SMAD7: variants seen among roughly 807,000 people sequenced by gnomAD.
The protein encoded by SMAD7 is SMAD family member 7.
A neutral mutation model predicts 38.7 loss-of-function variants in SMAD7; 8 were observed. The ratio of observed to expected loss-of-function variants is 0.21; its 90% CI spans 0.12 to 0.37. The LOEUF (loss-of-function observed/expected upper bound fraction) is 0.37, where lower values mean the gene tolerates loss of function less well. SMAD7 is among the 10% of genes least tolerant of loss of function. The pLI is 1.00. For synonymous variants in SMAD7, 327 were observed against 265.1 expected (o/e 1.23, Z -2.27); for missense variants, 477 against 577.9 (o/e 0.83, Z 1.79).
chr18:48,944,026 A>C (rs2070170620), intron 2 of SMAD7, among the ~76,000 whole-genome samples: 1 of 152,164 alleles, frequency 6.6e-6, no homozygotes, highest in African/African-American at 2.4e-5. Context: ...TCATTTTATC[A>C]GGGTAAAGTC....
intron 2 of SMAD7, among the ~76,000 whole-genome samples, chr18:48,945,761 G>A (rs2070188235): frequency 6.6e-6 from 1 of 152,072 alleles, no homozygotes; most frequent in South Asian, 2.1e-4. Flanking sequence ...ACCCCCCAAG[G>A]CCAGCCATTC....
At chr18:48,942,856 G>T in intron 2 of SMAD7, 1 of 1,104,962 alleles carries the variant, frequency 9.1e-7, no homozygotes. Context: ...GATACCAGGT[G>T]GTTCCCAAGG....
rs2143747710 is a variant in SMAD7 at position 48,921,041 on chromosome 18, T to G, written c.*331A>C. The G allele has an allele frequency of 2.9e-6, 1 of 342,432 alleles. No homozygotes were observed. Among genetic ancestry groups the G allele is most frequent in the South Asian group, 3.4e-5 (1 of 29,218 alleles). 21.2% of individuals were successfully genotyped at this position (342,432 alleles called of 1,614,324 possible). ...GCACACTCACACTCACACACACTCCTGACAAGTGAAATGATGACCGCCCCC... is the reference window on the plus strand; with the variant it reads ...GCACACTCACACTCACACACACTCCGGACAAGTGAAATGATGACCGCCCCC... On this transcript the variant is annotated 3_prime_UTR_variant, in exon 4 of 4. Transcript: ENST00000262158. The surrounding 1 kb of genome is among the most constrained non-coding windows in gnomAD (Gnocchi z 6.4).
At position 48,950,031 on chromosome 18, in the gene SMAD7, G is replaced by A. The variant is rs373908933; in HGVS notation, c.394C>T (p.Leu132=). 2 of 1,459,432 alleles carry A rather than the reference G, an allele frequency of 1.4e-6. No homozygotes were observed. Among genetic ancestry groups the A allele is most frequent in the Non-Finnish European group, 1.8e-6 (2 of 1,109,198 alleles). 90.4% of individuals were successfully genotyped at this position (1,459,432 alleles called of 1,614,324 possible). ...GCCCCCGGGCCCAGCCTGCAGTCCA[G>A]GCGGCCGGGCAGCAGGAGGCACGCG... ...RTACLLLPGR[L]DCRLGPGAPA... Residue 132 remains leucine (L), a synonymous_variant, in exon 1 of 4, where the codon CTG becomes TTG. Coordinates refer to ENST00000262158, the MANE Select transcript of SMAD7 (RefSeq NM_005904.4).
chr18:48,929,754 G>A (rs1196683454), intron 3 of SMAD7, among the ~76,000 whole-genome samples: 1 of 151,948 alleles, frequency 6.6e-6, no homozygotes, highest in Non-Finnish European at 1.5e-5. Flanking sequence ...CTTTTGCTGT[G>A]GGCCTCGTTT....
chr18:48,921,138 T>A lies in SMAD7; in HGVS notation c.*234A>T. The A allele has an allele frequency of 1.9e-6, 1 of 540,060 alleles. No individual in the cohort carries two copies. Among genetic ancestry groups the A allele is most frequent in the Non-Finnish European group, 3.3e-6 (1 of 302,744 alleles). The allele number at this position is 540,060 out of a possible 1,614,324, so 33.5% of individuals were successfully genotyped here. A position where few individuals can be genotyped will look rare whatever the true frequency, so the allele number is the denominator to read the frequency against. On this transcript the variant is annotated 3_prime_UTR_variant, in exon 4 of 4. Transcript: ENST00000262158. This position sits in a 1 kb window ranked among gnomAD's most constrained non-coding sequence, Gnocchi z 6.4. Reference sequence around the variant, plus strand: ...TCCTATCAGGGTGTCCTGCCGATCATACCTGCCCCTTCTTCCAAAAAAACC... The same window carrying A: ...TCCTATCAGGGTGTCCTGCCGATCAAACCTGCCCCTTCTTCCAAAAAAACC...
At chr18:48,944,899 G>A (rs1353445246) in intron 2 of SMAD7, among the ~76,000 whole-genome samples, 2 of 152,180 alleles carry the variant, frequency 1.3e-5, no homozygotes, top group Admixed American at 6.5e-5. Flanking sequence ...TAGGTTCTGC[G>A]AGAGAAAAAG....
At chr18:48,938,716 C>T (rs2070099883) in intron 3 of SMAD7, among the ~76,000 whole-genome samples, 1 of 152,210 alleles carries the variant, frequency 6.6e-6, no homozygotes, top group Admixed American at 6.5e-5. Context: ...CAGATGGAGG[C>T]TGCAAAGATG....
chr18:48,949,684 GCACACTCTCCCAGGAGGGTA>G, intron 1 of SMAD7, 108 bp downstream of exon 1: 1 of 1,019,612 alleles, frequency 9.8e-7, no homozygotes, highest in Non-Finnish European at 1.4e-6. Context: ...AGGAGGGTAT[GCACACTCTCCCAGGAGGGTA>G]TGCACACTCC....
chr18:48,926,608 C>T (rs1452412794), intron 3 of SMAD7, among the ~76,000 whole-genome samples: 1 of 152,250 alleles, frequency 6.6e-6, no homozygotes, highest in East Asian at 1.9e-4. Flanking sequence ...CCGCCTCCTG[C>T]AGGCTCCCTG....
chr18:48,949,794 A>G lies in SMAD7; in HGVS notation c.613+18T>C. ...TGGCGCTCCGGAAAATGTTGGGGGT[A>G]GGGGGACAACTTCTCACCTAGTTCG... On this transcript the variant is annotated intron_variant, in intron 1 of 3. Coordinates refer to ENST00000262158, the MANE Select transcript of SMAD7 (RefSeq NM_005904.4). 6.3e-7 allele frequency: 1 copy of G among 1,581,682 alleles called. No individual in the cohort carries two copies. Among genetic ancestry groups the G allele is most frequent in the Non-Finnish European group, 8.6e-7 (1 of 1,163,002 alleles).
chr18:48,949,282 G>A, intron 1 of SMAD7: 10 of 985,138 alleles, frequency 1.0e-5, no homozygotes, highest in African/African-American at 1.7e-5. Flanking sequence ...AAGGTGCGCG[G>A]CCACGACAGT....
chr18:48,936,015 T>C (rs552754692), intron 3 of SMAD7, among the ~76,000 whole-genome samples: 2 of 151,516 alleles, frequency 1.3e-5, no homozygotes, highest in Non-Finnish European at 2.9e-5. Flanking sequence ...GTGGAGGTTG[T>C]AGTGAGCCGA....
intron 2 of SMAD7, among the ~76,000 whole-genome samples, chr18:48,943,947 G>T (rs982978310): frequency 6.6e-6 from 1 of 152,316 alleles, no homozygotes; most frequent in South Asian, 2.1e-4. Flanking sequence ...GCGAGGGGCA[G>T]AAGTGGAGGC....
intron 3 of SMAD7, among the ~76,000 whole-genome samples, chr18:48,926,387 A>G (rs921000228): frequency 4.6e-5 from 7 of 152,216 alleles, no homozygotes; most frequent in South Asian, 2.1e-4. Context: ...AATGTGCCCA[A>G]TTGCTAGGGT....
intron 3 of SMAD7, among the ~76,000 whole-genome samples, chr18:48,926,875 G>A (rs576103336): frequency 6.6e-6 from 1 of 152,234 alleles, no homozygotes; most frequent in East Asian, 1.9e-4. Flanking sequence ...CCCTCTTCAG[G>A]GACAAGCCTA....
chr18:48,922,722 C>T (rs917135449), intron 3 of SMAD7, among the ~76,000 whole-genome samples: 1 of 151,988 alleles, frequency 6.6e-6, no homozygotes, highest in Non-Finnish European at 1.5e-5. Context: ...CAAATAGATG[C>T]GTCCCCCTTC....
At chr18:48,936,777 A>G (rs12604253) in intron 3 of SMAD7, among the ~76,000 whole-genome samples, 8,155 of 152,216 alleles carry the variant, frequency 0.054, 634 homozygotes, top group African/African-American at 0.18. Flanking sequence ...CACAGTAACA[A>G]CAATAATAAA....
In SMAD7 at chr18:48,947,240, C is replaced by A. The variant is rs74625175; in HGVS notation, c.667+1144G>T. Among the ~76,000 whole-genome samples the A allele has an allele frequency of 5.3e-4, 80 of 152,330 alleles. No individual in the cohort carries two copies. The East Asian group carries it at 0.014, about 27-fold the overall frequency. ...TAGACCGGCACCAGGCAAGCAGGAA[C>A]GCCTTCCCAACTTGAGGGAGCTGGT... On this transcript the variant is annotated intron_variant, in intron 2 of 3. Transcript: ENST00000262158.
Sources: allele counts gnomAD v4.1 joint callset (sites outside exome capture counted in the v4.1 genomes callset), GRCh38; gene constraint gnomAD v4.1.1; non-coding constraint Gnocchi (gnomAD v3.1); transcripts MANE v1.5; gene names NCBI Gene and HGNC (gene_info 2026-07-23, HGNC 2026-07-21).